The following AFF3 variants were observed in gnomAD, a reference collection of about 807,000 sequenced individuals.
AFF3 encodes AF4/FMR2 family member 3.
A neutral mutation model predicts 129.7 loss-of-function variants in AFF3; 32 were observed. The observed-to-expected ratio is 0.25, with a 90% CI of 0.19 to 0.33. The LOEUF is 0.33. AFF3 is among the 10% of genes least tolerant of loss of function. AFF3 has a pLI of 1.00. For synonymous variants in AFF3, 644 were observed against 635.4 expected (o/e 1.01, Z -0.20); for missense variants, 1,373 against 1,592.0 (o/e 0.86, Z 2.34).
At chr2:99,985,812 G>T (rs1379256346) in intron 7 of AFF3, among the ~76,000 whole-genome samples, 1 of 152,094 alleles carries the variant, frequency 6.6e-6, no homozygotes, top group African/African-American at 2.4e-5. Flanking sequence ...CTGAGTGATG[G>T]TTATACAGGT....
chr2:99,657,075 C>G (rs1240171143), intron 12 of AFF3, among the ~76,000 whole-genome samples: 1 of 152,164 alleles, frequency 6.6e-6, no homozygotes, highest in Non-Finnish European at 1.5e-5. Context: ...GCAAATATGA[C>G]TTGCTGCTTA....
At chr2:99,732,178 C>T (rs1318314791) in intron 10 of AFF3, among the ~76,000 whole-genome samples, 1 of 151,974 alleles carries the variant, frequency 6.6e-6, no homozygotes, top group Non-Finnish European at 1.5e-5. Context: ...CATGGTGAAA[C>T]CCCGTCTCTA....
At chr2:99,793,884 C>G (rs1685380506) in intron 8 of AFF3, among the ~76,000 whole-genome samples, 1 of 152,148 alleles carries the variant, frequency 6.6e-6, no homozygotes, top group African/African-American at 2.4e-5. Flanking sequence ...GACGTTCAAC[C>G]TTTCTTCTTT....
intron 8 of AFF3, among the ~76,000 whole-genome samples, chr2:99,816,774 TC>T (rs1232480357): frequency 1.3e-5 from 2 of 152,092 alleles, no homozygotes; most frequent in Admixed American, 6.5e-5. Flanking sequence ...TCACAAGTGT[TC>T]CTGAGCTTTC....
chr2:99,967,252 C>T lies in AFF3; in HGVS notation c.873+39380G>A, dbSNP rs941333043. Among the ~76,000 whole-genome samples, 11 of 151,802 alleles carry T rather than the reference C, an allele frequency of 7.2e-5. No individual in the cohort carries two copies. In the South Asian group the frequency reaches 8.4e-4, roughly 12 times the overall value. On this transcript the variant is annotated intron_variant, in intron 7 of 24. Coordinates refer to ENST00000672756, the MANE Select transcript of AFF3 (RefSeq NM_001386135.1). Reference sequence around the variant, plus strand: ...CTCTGTAAATCCTGTCTCCCTCCCCCTCTTCCTCTCCCAATTTCTCTGCCT... The same window carrying T: ...CTCTGTAAATCCTGTCTCCCTCCCCTTCTTCCTCTCCCAATTTCTCTGCCT...
At chr2:100,113,890 G>A (rs372166574) in intron 2 of AFF3, among the ~76,000 whole-genome samples, 1 of 152,018 alleles carries the variant, frequency 6.6e-6, no homozygotes, top group East Asian at 1.9e-4. Flanking sequence ...TGGGGGGGTT[G>A]TAGAAGTCAG....
At chr2:99,768,740 G>A (rs933343280) in intron 8 of AFF3, among the ~76,000 whole-genome samples, 1 of 152,124 alleles carries the variant, frequency 6.6e-6, no homozygotes, top group African/African-American at 2.4e-5. Flanking sequence ...TCTTCTTCCT[G>A]TTTGAAGGAT....
At chr2:99,795,146 T>C (rs1685472469) in intron 8 of AFF3, among the ~76,000 whole-genome samples, 1 of 152,074 alleles carries the variant, frequency 6.6e-6, no homozygotes, top group Non-Finnish European at 1.5e-5. Flanking sequence ...AATGGATGAT[T>C]GGACAGAGAA....
At chr2:100,067,550 AG>A (rs1307926914) in intron 4 of AFF3, among the ~76,000 whole-genome samples, 4 of 152,248 alleles carry the variant, frequency 2.6e-5, no homozygotes, top group African/African-American at 4.8e-5. Flanking sequence ...CAAAAATTTT[AG>A]CTAAAAGCAT....
At chr2:100,136,301 T>A (rs1692640028) in intron 1 of AFF3, among the ~76,000 whole-genome samples, 1 of 151,994 alleles carries the variant, frequency 6.6e-6, no homozygotes, top group Admixed American at 6.6e-5. Context: ...CTGGGGCGCT[T>A]CACCACCCGG....
chr2:99,681,565 T>A (rs972848129), intron 11 of AFF3, among the ~76,000 whole-genome samples: 2 of 152,224 alleles, frequency 1.3e-5, no homozygotes, highest in South Asian at 4.1e-4. Context: ...TAGCTCATGA[T>A]GGCAGAGCTT....
chr2:99,975,810 C>T (rs1260389752), intron 7 of AFF3, among the ~76,000 whole-genome samples: 7 of 74,342 alleles, frequency 9.4e-5, no homozygotes, highest in Non-Finnish European at 1.7e-4. Flanking sequence ...CAGTCTGCAT[C>T]AAGAAACATT....
chr2:100,064,735 T>C (rs1687581546), intron 4 of AFF3, among the ~76,000 whole-genome samples: 1 of 152,234 alleles, frequency 6.6e-6, no homozygotes, highest in Non-Finnish European at 1.5e-5. Context: ...TACATCGTCA[T>C]GCAGCGATAA....
At chr2:99,603,593 G>A (rs1199542557) in intron 13 of AFF3, among the ~76,000 whole-genome samples, 6 of 151,842 alleles carry the variant, frequency 4.0e-5, no homozygotes, top group African/African-American at 1.2e-4. Flanking sequence ...CGACAAAGAC[G>A]TCAAAAGCAA....
intron 7 of AFF3, among the ~76,000 whole-genome samples, chr2:99,846,656 C>T (rs1248608361): frequency 6.6e-6 from 1 of 152,148 alleles, no homozygotes; most frequent in Non-Finnish European, 1.5e-5. Context: ...AATTTGTGTC[C>T]CACAGTAAGA....
intron 7 of AFF3, among the ~76,000 whole-genome samples, chr2:99,947,557 GAGAA>G (rs750796679): frequency 2.2e-5 from 3 of 135,600 alleles, no homozygotes; most frequent in Admixed American, 7.0e-5. Context: ...AAGAAAGAGA[GAGAA>G]AGAGAAAGAA....
chr2:100,119,044 C>T (rs368179997), intron 2 of AFF3, among the ~76,000 whole-genome samples: 7 of 152,274 alleles, frequency 4.6e-5, no homozygotes, highest in Admixed American at 2.6e-4. Flanking sequence ...TCAGGTGATC[C>T]GCACACCTCG....
chr2:99,657,347 C>T (rs1436077709), intron 12 of AFF3, among the ~76,000 whole-genome samples: 4 of 152,194 alleles, frequency 2.6e-5, no homozygotes, highest in Non-Finnish European at 5.9e-5. Context: ...AGCTCCTCTC[C>T]ATGCACTCCT....
intron 7 of AFF3, among the ~76,000 whole-genome samples, chr2:99,909,101 T>C (rs370560186): frequency 6.6e-6 from 1 of 151,946 alleles, no homozygotes; most frequent in East Asian, 1.9e-4. Context: ...TGTCCAACAA[T>C]GATAGACTGG....
Sources: allele counts gnomAD v4.1 joint callset (sites outside exome capture counted in the v4.1 genomes callset), GRCh38; gene constraint gnomAD v4.1.1; transcripts MANE v1.5; gene names NCBI Gene and HGNC (gene_info 2026-07-23, HGNC 2026-07-21).